Variants in FARP1 observed in about 807,000 individuals in gnomAD.
The protein encoded by FARP1 is FERM, ARH/RhoGEF and pleckstrin domain protein 1.
A neutral mutation model predicts 128.8 loss-of-function variants in FARP1; 52 were observed. The observed-to-expected ratio is 0.40, with a 90% CI of 0.32 to 0.51. FARP1 has a LOEUF of 0.51. Ranked by LOEUF, FARP1 falls within the 20% of genes least tolerant of loss-of-function variation. FARP1 has a pLI of 0.45. For synonymous variants in FARP1, 580 were observed against 551.8 expected, an observed-to-expected ratio of 1.05 and a Z score of -0.72; for missense variants, 1,333 against 1,367.9, an observed-to-expected ratio of 0.97 and a Z score of 0.40.
chr13:98,364,251 AGTT>A (rs1335064556), intron 3 of FARP1, among the ~76,000 whole-genome samples: 21 of 152,274 alleles, frequency 1.4e-4, no homozygotes, highest in Admixed American at 6.5e-5. Context: ...TCTCCAGAAA[AGTT>A]GTACTAATCC....
chr13:98,156,310 T>G (rs1183502091), intron 1 of FARP1, among the ~76,000 whole-genome samples: 3 of 152,246 alleles, frequency 2.0e-5, no homozygotes, highest in Admixed American at 2.0e-4. Context: ...CATGAAGCTT[T>G]GAATCTGAAC....
intron 2 of FARP1, among the ~76,000 whole-genome samples, chr13:98,281,166 C>T (rs1481312102): frequency 6.6e-6 from 1 of 152,100 alleles, no homozygotes; most frequent in African/African-American, 2.4e-5. Context: ...CTAGCCTGGC[C>T]AACATGGTAA....
At chr13:98,360,501 A>T (rs1451665141) in intron 3 of FARP1, among the ~76,000 whole-genome samples, 2 of 152,196 alleles carry the variant, frequency 1.3e-5, no homozygotes, top group Non-Finnish European at 2.9e-5. Flanking sequence ...CAGGGGAAAG[A>T]CCAGGCAAGG....
rs77911748 is a variant in FARP1 at position 98,284,354 on chromosome 13, C to T, written c.172-59408C>T. Reference sequence around the variant, plus strand: ...CTATGTATAAATGTCTTTAAATGACCAAGATGATACATATCCATAACTTGC... The same window carrying T: ...CTATGTATAAATGTCTTTAAATGACTAAGATGATACATATCCATAACTTGC... On this transcript the variant is annotated intron_variant, in intron 2 of 26. Transcript: ENST00000319562. Among the ~76,000 whole-genome samples the T allele has an allele frequency of 5.6e-3, 845 of 152,120 alleles. 9 individuals carry two copies. The highest frequency in any genetic ancestry group is 0.02 in the African/African-American group (825 of 41,504).
chr13:98,359,515 C>T (rs1178156812), intron 3 of FARP1, among the ~76,000 whole-genome samples: 1 of 152,198 alleles, frequency 6.6e-6, no homozygotes, highest in Non-Finnish European at 1.5e-5. Context: ...CTTGCCCTGC[C>T]TTTGATACGT....
At chr13:98,284,824 G>T (rs563990773) in intron 2 of FARP1, among the ~76,000 whole-genome samples, 1 of 152,122 alleles carries the variant, frequency 6.6e-6, no homozygotes, top group South Asian at 2.1e-4. Flanking sequence ...CTCTGGAATC[G>T]TTCTTCCTGT....
chr13:98,148,292 C>T lies in FARP1; in HGVS notation c.-24+4800C>T, dbSNP rs540288060. Among the ~76,000 whole-genome samples, 81 of 152,250 alleles carry T rather than the reference C, an allele frequency of 5.3e-4. 2 individuals carry two copies. Among genetic ancestry groups the T allele is most frequent in the African/African-American group, 1.6e-3 (68 of 41,554 alleles). ...ACTCGGGAGGCTGAGGCAGGAGAAT[C>T]GCTGGAACCCGGGAGGCGGAGGTTG... On this transcript the variant is annotated intron_variant, in intron 1 of 26. Transcript: ENST00000319562.
intron 16 of FARP1, among the ~76,000 whole-genome samples, chr13:98,415,072 C>T (rs1000991232): frequency 2.0e-5 from 3 of 152,206 alleles, no homozygotes; most frequent in African/African-American, 7.2e-5. Flanking sequence ...GCTCCTTCAT[C>T]TCAGGGGTGC....
chr13:98,169,694 A>G (rs960959720), intron 1 of FARP1, among the ~76,000 whole-genome samples: 1 of 152,218 alleles, frequency 6.6e-6, no homozygotes, highest in African/African-American at 2.4e-5. Context: ...CTTCTAACAT[A>G]TTTTGGATAT....
chr13:98,255,394 G>A (rs554677491), intron 2 of FARP1, among the ~76,000 whole-genome samples: 4 of 152,206 alleles, frequency 2.6e-5, no homozygotes, highest in East Asian at 3.9e-4. Flanking sequence ...CCAGCTACTC[G>A]GGAGGCTGAG....
rs115072024 is a variant in FARP1, at chr13:98,387,339, A to G, written c.760-1044A>G. On this transcript the variant is annotated intron_variant, in intron 8 of 26. Transcript: ENST00000319562. ...AAAGCCAAGTGGAGTTTTGAGTACT[A>G]TCATTAAATTTCAAATCACAATCCT... Among the ~76,000 whole-genome samples, 1,089 of 152,298 alleles carry G rather than the reference A, an allele frequency of 7.2e-3. 18 individuals carry two copies. The highest frequency in any genetic ancestry group is 0.025 in the African/African-American group (1,029 of 41,556).
chr13:98,378,702 TGTCTCTCTCAGTA>T (rs2140012078), intron 6 of FARP1, among the ~76,000 whole-genome samples: 1 of 151,714 alleles, frequency 6.6e-6, no homozygotes, highest in East Asian at 1.9e-4. Flanking sequence ...TTATAGGAAG[TGTCTCTCTCAGTA>T]GTCAAAAAGT....
intron 1 of FARP1, among the ~76,000 whole-genome samples, chr13:98,189,369 C>T (rs546153783): frequency 3.6e-4 from 54 of 151,866 alleles, no homozygotes; most frequent in African/African-American, 1.2e-3. Flanking sequence ...CTTTGTCTAC[C>T]TAAATTACCA....
At chr13:98,409,132 G>A (rs1891088808) in intron 13 of FARP1, among the ~76,000 whole-genome samples, 1 of 152,058 alleles carries the variant, frequency 6.6e-6, no homozygotes, top group Non-Finnish European at 1.5e-5. Context: ...TACGTAATGA[G>A]GCTCCATTGA....
intron 16 of FARP1, 41 bp from the exon 17 acceptor site, chr13:98,424,531 A>T: frequency 7.7e-7 from 1 of 1,300,224 alleles, no homozygotes; most frequent in Non-Finnish European, 1.1e-6. Flanking sequence ...TCATGTCACT[A>T]CTGATGCTTT....
chr13:98,258,396 G>A (rs1225247089), intron 2 of FARP1, among the ~76,000 whole-genome samples: 1 of 152,220 alleles, frequency 6.6e-6, no homozygotes, highest in African/African-American at 2.4e-5. Flanking sequence ...TAGAGTTTAT[G>A]CAATCACTGC....
At chr13:98,289,841 C>T (rs186417204) in intron 2 of FARP1, among the ~76,000 whole-genome samples, 1 of 152,204 alleles carries the variant, frequency 6.6e-6, no homozygotes, top group East Asian at 1.9e-4. Context: ...TACAGGGACC[C>T]AATGAGATGG....
At chr13:98,372,081 C>CTTTTTTTTTTTTTTTT (rs56838920) in intron 5 of FARP1, among the ~76,000 whole-genome samples, 1 of 92,340 alleles carries the variant, frequency 1.1e-5, no homozygotes, top group Non-Finnish European at 2.0e-5. Context: ...CCCAGTTTTT[C>CTTTTTTTTTTTTTTTT]TTTTTTTTTT....
chr13:98,410,852 C>T (rs117039391), intron 15 of FARP1, 29 bp downstream of exon 15: 22,161 of 1,173,538 alleles, frequency 0.019, 320 homozygotes, highest in South Asian at 0.045. Flanking sequence ...CAAAAGCATT[C>T]GATTACATGA....
Sources: gnomAD v4.1 joint callset for allele counts (sites outside exome capture counted in the v4.1 genomes callset) on GRCh38, gnomAD v4.1.1 for gene constraint, MANE v1.5 for transcripts, NCBI Gene and HGNC (gene_info 2026-07-23, HGNC 2026-07-21) for gene names.